Variants in RPAP2 observed in about 807,000 individuals in gnomAD.
RPAP2 encodes RNA polymerase II associated protein 2.
Under a neutral mutation model 73.1 loss-of-function variants are expected in RPAP2, and 52 were observed. The ratio of observed to expected loss-of-function variants is 0.71; its 90% CI spans 0.57 to 0.90. The LOEUF (loss-of-function observed/expected upper bound fraction) is 0.90, where lower values mean the gene tolerates loss of function less well. RPAP2 is among the 40% of genes least tolerant of loss of function. The probability of loss-of-function intolerance (pLI) is 0.00; values close to 1 mark genes in which losing one functional copy is unlikely to be tolerated. For synonymous variants in RPAP2, 225 were observed against 242.1 expected (o/e 0.93, Z 0.65); for missense variants, 598 against 701.8 (o/e 0.85, Z 1.67).
chr1:92,302,757 G>T (rs1357584070), intron 3 of RPAP2, among the ~76,000 whole-genome samples: 2 of 151,428 alleles, frequency 1.3e-5, no homozygotes, highest in African/African-American at 4.8e-5. Context: ...CCACCATTAC[G>T]CCCGGCTAAT....
At chr1:92,336,284 A>G in intron 9 of RPAP2, 63 bp from the exon 10 acceptor site, 1 of 1,103,648 alleles carries the variant, frequency 9.1e-7, no homozygotes, top group Non-Finnish European at 1.4e-6. Flanking sequence ...AGATCTAGGC[A>G]TGACCCAAAA....
At chr1:92,310,199 CTT>C (rs909388428) in intron 6 of RPAP2, among the ~76,000 whole-genome samples, 18 of 152,152 alleles carry the variant, frequency 1.2e-4, no homozygotes, top group African/African-American at 4.3e-4. Context: ...ATATCAGTAT[CTT>C]TTATATCTGG....
At chr1:92,312,239 T>A (rs530346081) in intron 6 of RPAP2, among the ~76,000 whole-genome samples, 1 of 152,190 alleles carries the variant, frequency 6.6e-6, no homozygotes, top group South Asian at 2.1e-4. Context: ...GAGGGACCCA[T>A]CTCTACAAAG....
intron 8 of RPAP2, among the ~76,000 whole-genome samples, chr1:92,329,155 A>G (rs1430358913): frequency 1.3e-5 from 2 of 152,194 alleles, no homozygotes; most frequent in Non-Finnish European, 2.9e-5. Context: ...CATCAGCTGC[A>G]GTAGGATAGG....
intron 12 of RPAP2, among the ~76,000 whole-genome samples, chr1:92,382,527 T>C (rs1035970182): frequency 8.5e-5 from 13 of 152,198 alleles, no homozygotes; most frequent in Non-Finnish European, 1.6e-4. Flanking sequence ...CCAGTGATGA[T>C]GAGCATTTTT....
intron 9 of RPAP2, 57 bp from the exon 10 acceptor site, chr1:92,336,290 C>A: frequency 8.2e-7 from 1 of 1,216,824 alleles, no homozygotes; most frequent in Non-Finnish European, 1.2e-6. Context: ...AGGCATGACC[C>A]AAAAAAAGTT....
chr1:92,322,595 C>T (rs1475882470), intron 7 of RPAP2, among the ~76,000 whole-genome samples: 1 of 151,746 alleles, frequency 6.6e-6, no homozygotes, highest in Non-Finnish European at 1.5e-5. Context: ...AAAAGCTCAG[C>T]CGGGCACGGT....
At chr1:92,372,987 C>CTT in intron 11 of RPAP2, among the ~76,000 whole-genome samples, 1 of 152,272 alleles carries the variant, frequency 6.6e-6, no homozygotes, top group South Asian at 2.1e-4. Context: ...AATAATTGTC[C>CTT]TCTTAAACTA....
chr1:92,344,048 G>T lies in RPAP2; in HGVS notation c.1620-1798G>T, dbSNP rs974902884. 5.9e-5 allele frequency among the ~76,000 whole-genome samples: 9 copies of T among 152,248 alleles called. 1 individual carries two copies. Among genetic ancestry groups the T allele is most frequent in the Admixed American group, 3.3e-4 (5 of 15,294 alleles). ...TGTGAAGTAGATGTGTATCCTTCTA[G>T]TCTTTTTTTTGTATGTTTACTGCCA... On this transcript the variant is annotated intron_variant, in intron 10 of 12. Coordinates refer to ENST00000610020, the MANE Select transcript of RPAP2 (RefSeq NM_024813.3).
At chr1:92,342,740 G>A (rs1653667742) in intron 10 of RPAP2, among the ~76,000 whole-genome samples, 1 of 152,164 alleles carries the variant, frequency 6.6e-6, no homozygotes, top group Admixed American at 6.5e-5. Flanking sequence ...ATTAGATTTG[G>A]TGACTGGCTG....
chr1:92,330,597 G>A (rs1051392198), intron 8 of RPAP2, among the ~76,000 whole-genome samples: 2 of 151,452 alleles, frequency 1.3e-5, no homozygotes, highest in Admixed American at 6.6e-5. Context: ...ACAGGCACCC[G>A]TGCCATGCCT....
At chr1:92,327,025 A>G (rs886471739) in intron 8 of RPAP2, among the ~76,000 whole-genome samples, 5 of 152,192 alleles carry the variant, frequency 3.3e-5, no homozygotes, top group African/African-American at 7.2e-5. Flanking sequence ...CATATGGTCT[A>G]TCTCGGAGAC....
chr1:92,338,461 T>C (rs990902483), intron 10 of RPAP2, among the ~76,000 whole-genome samples: 1 of 152,130 alleles, frequency 6.6e-6, no homozygotes, highest in South Asian at 2.1e-4. Flanking sequence ...GAACCATGCA[T>C]CCAAAAGGAG....
At chr1:92,378,637 A>G (rs999129200) in intron 11 of RPAP2, among the ~76,000 whole-genome samples, 5 of 152,128 alleles carry the variant, frequency 3.3e-5, no homozygotes, top group African/African-American at 4.8e-5. Context: ...TGGTCTTACT[A>G]TGGGGAAGTA....
chr1:92,304,258 T>G (rs1401897754), intron 4 of RPAP2, 26 bp from the exon 5 acceptor site: 1 of 1,384,184 alleles, frequency 7.2e-7, no homozygotes, highest in African/African-American at 1.4e-5. Flanking sequence ...TGGATTCTTT[T>G]GTAAGCTGTA....
chr1:92,321,596 T>C (rs145384375), intron 7 of RPAP2, among the ~76,000 whole-genome samples: 2,107 of 152,280 alleles, frequency 0.014, 57 homozygotes, highest in African/African-American at 0.047. Flanking sequence ...CAAGTTTGTA[T>C]TGGCAAAGCT....
At chr1:92,335,105 C>T (rs752629122) in intron 9 of RPAP2, among the ~76,000 whole-genome samples, 1 of 152,108 alleles carries the variant, frequency 6.6e-6, no homozygotes, top group Non-Finnish European at 1.5e-5. Flanking sequence ...TGATTATGCT[C>T]GTGATTAAAC....
rs934145218 is a variant in RPAP2, at chr1:92,394,217, A to G, written c.*7206A>G. 2.6e-5 allele frequency: 4 copies of G among 152,188 alleles called. No individual in the cohort carries two copies. The highest frequency in any genetic ancestry group is 9.7e-5 in the African/African-American group (4 of 41,426). 9.4% of individuals were successfully genotyped at this position (152,188 alleles called of 1,614,324 possible). A position where few individuals can be genotyped will look rare whatever the true frequency, so the allele number is the denominator to read the frequency against. On this transcript the variant is annotated 3_prime_UTR_variant, in exon 13 of 13. Transcript: ENST00000610020. ...CGGAAACCATCATTCTCAGCAAACT[A>G]TCACAAGATCAGAAAACCAAACAAC...
At chr1:92,326,489 G>A (rs1304763640) in intron 8 of RPAP2, among the ~76,000 whole-genome samples, 2 of 152,148 alleles carry the variant, frequency 1.3e-5, no homozygotes, top group Non-Finnish European at 2.9e-5. Context: ...GGTAGTATAG[G>A]GAGGATCAGG....
Sources: gnomAD v4.1 joint callset for allele counts (sites outside exome capture counted in the v4.1 genomes callset) on GRCh38, gnomAD v4.1.1 for gene constraint, MANE v1.5 for transcripts, NCBI Gene and HGNC (gene_info 2026-07-23, HGNC 2026-07-21) for gene names.